The following SBK1 variants were observed in gnomAD, a reference collection of about 807,000 sequenced individuals.
SBK1 encodes serine/threonine-protein kinase SBK1.
A neutral mutation model predicts 24.4 loss-of-function variants in SBK1; 11 were observed. That is an observed-to-expected ratio of 0.45 (90% CI 0.28 to 0.75). SBK1 has a LOEUF of 0.75. Among genes scored for constraint, SBK1 ranks in the 30% least tolerant of loss-of-function variants. The probability of loss-of-function intolerance (pLI) is 0.12; values close to 1 mark genes in which losing one functional copy is unlikely to be tolerated. For missense variants in SBK1, 467 were observed against 620.5 expected (o/e 0.75, Z 2.63); for synonymous variants, 308 against 284.4 (o/e 1.08, Z -0.83).
intron 1 of SBK1, among the ~76,000 whole-genome samples, chr16:28,299,034 G>A (rs1278922045): frequency 6.6e-6 from 1 of 152,210 alleles, no homozygotes; most frequent in Non-Finnish European, 1.5e-5. Flanking sequence ...TTCCACCTTG[G>A]GAGCTCAGGT....
rs1344506085 is a variant in SBK1, at chr16:28,319,623, A to C, written c.429+426A>C. Reference sequence around the variant, plus strand: ...GCTGGCTGAGTGATGAGACCTTCGGAGCAGGTCCTCCTTCTTTGCTGAGCA... The same window carrying C: ...GCTGGCTGAGTGATGAGACCTTCGGCGCAGGTCCTCCTTCTTTGCTGAGCA... On this transcript the variant is annotated intron_variant, in intron 3 of 3. Coordinates refer to ENST00000341901, the MANE Select transcript of SBK1 (RefSeq NM_001024401.3). This position sits in a 1 kb window ranked among gnomAD's most constrained non-coding sequence, Gnocchi z 4.0. Among the ~76,000 whole-genome samples the C allele has an allele frequency of 6.7e-6, 1 of 150,196 alleles. No individual in the cohort carries two copies. The highest frequency in any genetic ancestry group is 2.4e-5 in the African/African-American group (1 of 41,336).
At chr16:28,295,736 A>G (rs2044634247) in intron 1 of SBK1, among the ~76,000 whole-genome samples, 1 of 152,006 alleles carries the variant, frequency 6.6e-6, no homozygotes, top group African/African-American at 2.4e-5. Flanking sequence ...TCACATACAA[A>G]AGCTGATTTT....
rs1035214219 is a variant in SBK1, at chr16:28,265,280, A to G, written c.257+5778A>G. Among the ~76,000 whole-genome samples, 11 of 152,198 alleles carry G rather than the reference A, an allele frequency of 7.2e-5. 1 individual carries two copies. The East Asian group carries it at 1.4e-3, about 19-fold the overall frequency. The stretch of plus-strand genomic sequence containing the variant: ...AAAAAGAAAGAAATAAAAGCCGGGC[A>G]TCATGGCGCATGTCTGTAGTTCCAG... On this transcript the variant is annotated intron_variant, in intron 1 of 3. Coordinates refer to the SBK1 transcript ENST00000671413.
At position 28,320,653 on chromosome 16, in the gene SBK1, G is replaced by T; in HGVS notation, c.1007G>T (p.Arg336Leu). Residue 336 changes from arginine (R) to leucine (L), a missense_variant, in exon 4 of 4, where the codon CGC becomes CTC. This residue lies in a region of SBK1 where 166 missense variants were observed against 146.8 expected (regional missense o/e 1.13). Transcript: ENST00000341901. The surrounding 1 kb of genome is among the most constrained non-coding windows in gnomAD (Gnocchi z 8.5). ...CGCGCGCGCAAGCCCCCCGGGGACCGCCCGCCCGCCGCCGGGCCACTGCGC... is the reference window on the plus strand; with the variant it reads ...CGCGCGCGCAAGCCCCCCGGGGACCTCCCGCCCGCCGCCGGGCCACTGCGC... Reference protein sequence around the residue: ...SHRARKPPGDRPPAAGPLRLE... With the variant: ...SHRARKPPGDLPPAAGPLRLE... 5.4e-6 allele frequency: 6 copies of T among 1,115,334 alleles called. No homozygotes were observed. Among genetic ancestry groups the T allele is most frequent in the Non-Finnish European group, 6.6e-6 (6 of 913,530 alleles). 69.1% of individuals were successfully genotyped at this position (1,115,334 alleles called of 1,614,324 possible).
At chr16:28,314,717 C>T (rs886170141) in intron 1 of SBK1, among the ~76,000 whole-genome samples, 2 of 152,148 alleles carry the variant, frequency 1.3e-5, no homozygotes, top group African/African-American at 2.4e-5. Flanking sequence ...CGGTGGCTCA[C>T]GCCTGTAATC....
Position 28,317,345 on chromosome 16 carries a change from CCTGATGTCACA to C in SBK1, c.-7-37_-7-27del. On this transcript the variant is annotated intron_variant, in intron 1 of 3. Transcript: ENST00000341901. The surrounding 1 kb of genome is among the most constrained non-coding windows in gnomAD (Gnocchi z 4.2). ...GAGGGGCTGGAGGAGGGGACCCTTGCCTGATGTCACACTTCATGCTCACCACCCCTACCCAA... is the reference window on the plus strand; with the variant it reads ...GAGGGGCTGGAGGAGGGGACCCTTGCCTTCATGCTCACCACCCCTACCCAA... The C allele has an allele frequency of 6.6e-7, 1 of 1,509,376 alleles. No homozygotes were observed. The highest frequency in any genetic ancestry group is 9.2e-7 in the Non-Finnish European group (1 of 1,087,944). 93.5% of individuals were successfully genotyped at this position (1,509,376 alleles called of 1,614,324 possible).
chr16:28,312,284 C>G (rs371834268), intron 1 of SBK1, among the ~76,000 whole-genome samples: 13 of 152,336 alleles, frequency 8.5e-5, no homozygotes, highest in East Asian at 7.7e-4. Flanking sequence ...GCAGCCTTGC[C>G]TCTCCCTGCT....
chr16:28,263,539 G>A (rs2044410103), intron 1 of SBK1, among the ~76,000 whole-genome samples: 2 of 152,204 alleles, frequency 1.3e-5, no homozygotes, highest in South Asian at 4.1e-4. Flanking sequence ...CCGAGGCAGA[G>A]CAAATGATGG....
chr16:28,280,115 CTATA>C (rs1193408430), intron 1 of SBK1, among the ~76,000 whole-genome samples: 493 of 29,450 alleles, frequency 0.017, 10 homozygotes, highest in African/African-American at 0.05. Flanking sequence ...TTGAAAAAAA[CTATA>C]TATATATATA....
At chr16:28,286,594 G>C (rs569796606) in intron 1 of SBK1, 1 of 152,356 alleles carries the variant, frequency 6.6e-6, no homozygotes, top group Non-Finnish European at 1.5e-5. Flanking sequence ...GGAATCACTT[G>C]AACCCAAGAG....
rs1162712532 is a variant in SBK1 at position 28,317,066 on chromosome 16, G to A, written c.-7-319G>A. On this transcript the variant is annotated intron_variant, in intron 1 of 3. Coordinates refer to ENST00000341901, the MANE Select transcript of SBK1 (RefSeq NM_001024401.3). The surrounding 1 kb of genome is among the most constrained non-coding windows in gnomAD (Gnocchi z 4.2). Reference sequence around the variant, plus strand: ...TGAATGGGAGTACCCGTGTGAACTCGGTATCTGGCTGTGTCTGTGTGACAT... The same window carrying A: ...TGAATGGGAGTACCCGTGTGAACTCAGTATCTGGCTGTGTCTGTGTGACAT... Among the ~76,000 whole-genome samples, 3 of 152,170 alleles carry A rather than the reference G, an allele frequency of 2.0e-5. No individual in the cohort carries two copies. Among genetic ancestry groups the A allele is most frequent in the South Asian group, 2.1e-4 (1 of 4,826 alleles).
At chr16:28,279,273 C>G (rs2044514193) in intron 1 of SBK1, among the ~76,000 whole-genome samples, 1 of 151,720 alleles carries the variant, frequency 6.6e-6, no homozygotes, top group Admixed American at 6.6e-5. Context: ...ATGGCTCATG[C>G]CTGTGGTCCC....
chr16:28,314,324 C>CTTTTT (rs11462703), intron 1 of SBK1, among the ~76,000 whole-genome samples: 4 of 94,464 alleles, frequency 4.2e-5, no homozygotes, highest in Admixed American at 1.2e-4. Flanking sequence ...ACCCAGCTAA[C>CTTTTT]TTTTTTTTTT....
At chr16:28,292,081 G>A (rs2044602488), upstream of SBK1, 1 of 151,990 alleles carries the variant, frequency 6.6e-6, no homozygotes. Flanking sequence ...ACCTGGATTT[G>A]TTTTCCCTCC....
upstream of SBK1, among the ~76,000 whole-genome samples, chr16:28,288,588 G>A (rs1329000901): frequency 6.6e-6 from 1 of 152,194 alleles, no homozygotes; most frequent in East Asian, 1.9e-4. Flanking sequence ...CTCCACCGTC[G>A]CCTTGGCAGG....
intron 1 of SBK1, among the ~76,000 whole-genome samples, chr16:28,263,278 T>C (rs2044408375): frequency 6.6e-6 from 1 of 152,158 alleles, no homozygotes; most frequent in Non-Finnish European, 1.5e-5. Flanking sequence ...TTATATCTAA[T>C]GAGGGAGTCA....
At chr16:28,266,915 T>A (rs1229592617) in intron 1 of SBK1, among the ~76,000 whole-genome samples, 2 of 148,382 alleles carry the variant, frequency 1.3e-5, no homozygotes, top group African/African-American at 5.1e-5. Context: ...TAATTTTAAA[T>A]TTTTTTTTTC....
chr16:28,294,793 G>A (rs960318307), intron 1 of SBK1, among the ~76,000 whole-genome samples: 1 of 152,246 alleles, frequency 6.6e-6, no homozygotes, highest in African/African-American at 2.4e-5. Context: ...AGCTGGAGAC[G>A]AGGGTAGGGG....
At position 28,292,709 on chromosome 16, in the gene SBK1, G is replaced by A; in HGVS notation, c.-599G>A. The A allele has an allele frequency of 1.0e-6, 1 of 984,554 alleles. No homozygotes were observed. 61.0% of individuals were successfully genotyped at this position (984,554 alleles called of 1,614,324 possible). A position where few individuals can be genotyped will look rare whatever the true frequency, so the allele number is the denominator to read the frequency against. Reference sequence around the variant, plus strand: ...TGAGGGGCTTCCAGCGCCCGCCGGTGGCCGGGACCCACTAAAGCCCCCGCA... The same window carrying A: ...TGAGGGGCTTCCAGCGCCCGCCGGTAGCCGGGACCCACTAAAGCCCCCGCA... On this transcript the variant is annotated 5_prime_UTR_variant, in exon 1 of 4. Coordinates refer to ENST00000341901, the MANE Select transcript of SBK1 (RefSeq NM_001024401.3).
Sources: gnomAD v4.1 joint callset for allele counts (sites outside exome capture counted in the v4.1 genomes callset) on GRCh38, gnomAD v4.1.1 for gene constraint, gnomAD v4.1.1 regional missense constraint, Gnocchi (gnomAD v3.1) non-coding constraint, MANE v1.5 for transcripts, NCBI Gene and HGNC (gene_info 2026-07-23, HGNC 2026-07-21) for gene names.